The following SMAP1 variants were observed in gnomAD, a reference collection of about 807,000 sequenced individuals.
SMAP1 encodes small ArfGAP 1, also known as stromal membrane-associated protein 1.
SMAP1 carries 24 observed loss-of-function variants against 58.5 expected under a neutral mutation model. The observed-to-expected ratio is 0.41, with a 90% CI of 0.30 to 0.58. The LOEUF is 0.58. Among genes scored for constraint, SMAP1 ranks in the 20% least tolerant of loss-of-function variants. The probability of loss-of-function intolerance (pLI) is 0.29; values close to 1 mark genes in which losing one functional copy is unlikely to be tolerated. For missense variants in SMAP1, 563 were observed against 566.3 expected, an observed-to-expected ratio of 0.99 and a Z score of 0.06; for synonymous variants, 216 against 196.6, an observed-to-expected ratio of 1.10 and a Z score of -0.82.
intron 1 of SMAP1, among the ~76,000 whole-genome samples, chr6:70,722,420 G>GTCC (rs1363871632): frequency 6.6e-6 from 1 of 152,166 alleles, no homozygotes; most frequent in African/African-American, 2.4e-5. Context: ...TTTCTTTCTT[G>GTCC]TCCTCCTTTC....
rs561717522 is a variant in SMAP1, at chr6:70,679,389, T to C, written c.118+11248T>C. Among the ~76,000 whole-genome samples the C allele has an allele frequency of 3.3e-5, 5 of 152,286 alleles. No individual in the cohort carries two copies. In the East Asian group the frequency reaches 9.7e-4, roughly 29 times the overall value. ...ATGGTATGGGATGATGAAGTACTAC[T>C]TAAATTAGCCTTTCTCACAGGACCT... On this transcript the variant is annotated intron_variant, in intron 1 of 10. Transcript: ENST00000370455.
intron 2 of SMAP1, among the ~76,000 whole-genome samples, chr6:70,750,509 CTG>C (rs1766230805): frequency 6.6e-6 from 1 of 152,124 alleles, no homozygotes; most frequent in South Asian, 2.1e-4. Flanking sequence ...AATGCTAAAA[CTG>C]TGATTGGGTA....
intron 6 of SMAP1, among the ~76,000 whole-genome samples, chr6:70,816,061 G>A (rs1769616190): frequency 6.6e-6 from 1 of 152,158 alleles, no homozygotes; most frequent in African/African-American, 2.4e-5. Context: ...ACAGAGTGTG[G>A]AGGTTTGGAG....
chr6:70,840,820 G>C (rs942605851), intron 7 of SMAP1, among the ~76,000 whole-genome samples: 4 of 152,196 alleles, frequency 2.6e-5, no homozygotes, highest in Non-Finnish European at 5.9e-5. Flanking sequence ...TTGACTAAGT[G>C]CCAGATTGAA....
chr6:70,684,247 G>A (rs1766842601), intron 1 of SMAP1, among the ~76,000 whole-genome samples: 1 of 152,172 alleles, frequency 6.6e-6, no homozygotes, highest in African/African-American at 2.4e-5. Flanking sequence ...TCTGTAAATA[G>A]CGTGGAAATA....
In SMAP1 at chr6:70,860,466, TG is replaced by T; in HGVS notation, c.*133del. On this transcript the variant is annotated 3_prime_UTR_variant, in exon 11 of 11. Coordinates refer to ENST00000370455, the MANE Select transcript of SMAP1 (RefSeq NM_001044305.3). ...TTGTTCATATTAAGAATGATCTGAT[TG>T]ACCGTGTTGGTCTGTACTGATTCAA... 1 of 1,107,672 alleles carries T rather than the reference TG, an allele frequency of 9.0e-7. No homozygotes were observed. Among genetic ancestry groups the T allele is most frequent in the Non-Finnish European group, 1.3e-6 (1 of 795,640 alleles). The allele number at this position is 1,107,672 out of a possible 1,614,324, so 68.6% of individuals were successfully genotyped here.
At chr6:70,729,483 G>GTGTGTGTGTGTGTA (rs1382253034) in intron 1 of SMAP1, among the ~76,000 whole-genome samples, 16 of 150,826 alleles carry the variant, frequency 1.1e-4, no homozygotes, top group African/African-American at 3.2e-4. Flanking sequence ...GTGTGTGTGT[G>GTGTGTGTGTGTGTA]TGTGTGTGTG....
intron 1 of SMAP1, among the ~76,000 whole-genome samples, chr6:70,676,986 G>T (rs1480009576): frequency 1.3e-5 from 2 of 151,820 alleles, no homozygotes; most frequent in Admixed American, 1.3e-4. Flanking sequence ...GTGGGGAGGG[G>T]CCTTGCTATG....
intron 2 of SMAP1, among the ~76,000 whole-genome samples, chr6:70,739,256 G>GT (rs879122718): frequency 6.6e-6 from 1 of 152,138 alleles, no homozygotes; most frequent in Admixed American, 6.5e-5. Context: ...TTTTAAGTCT[G>GT]TGGATGAAGG....
intron 1 of SMAP1, among the ~76,000 whole-genome samples, chr6:70,704,723 G>A (rs1226001177): frequency 6.6e-6 from 1 of 152,110 alleles, no homozygotes; most frequent in East Asian, 1.9e-4. Context: ...AAGACATTAA[G>A]TGGGATTAGT....
intron 8 of SMAP1, 69 bp from the exon 9 acceptor site, chr6:70,856,790 A>G: frequency 7.0e-7 from 1 of 1,433,622 alleles, no homozygotes; most frequent in East Asian, 2.3e-5. Context: ...CTTTATTTGG[A>G]TTTTAAGTAA....
intron 1 of SMAP1, among the ~76,000 whole-genome samples, chr6:70,715,375 A>G (rs985027855): frequency 3.3e-5 from 5 of 151,410 alleles, no homozygotes; most frequent in African/African-American, 1.2e-4. Context: ...TATGGGCATG[A>G]GCCACTGCAC....
At chr6:70,786,792 A>G (rs902046369) in intron 4 of SMAP1, among the ~76,000 whole-genome samples, 5 of 152,220 alleles carry the variant, frequency 3.3e-5, no homozygotes, top group Non-Finnish European at 7.3e-5. Flanking sequence ...CCACTGCTCA[A>G]CAAAATAAAA....
intron 3 of SMAP1, among the ~76,000 whole-genome samples, chr6:70,765,419 A>G (rs1384844553): frequency 6.6e-6 from 1 of 152,194 alleles, no homozygotes; most frequent in African/African-American, 2.4e-5. Context: ...TCTAATACCA[A>G]AGTTTGAAAT....
At chr6:70,719,394 A>G (rs1433619706) in intron 1 of SMAP1, among the ~76,000 whole-genome samples, 1 of 152,222 alleles carries the variant, frequency 6.6e-6, no homozygotes, top group Non-Finnish European at 1.5e-5. Context: ...AGCAAGAATG[A>G]AATGAAGGAA....
chr6:70,709,997 C>A (rs562693858), intron 1 of SMAP1, among the ~76,000 whole-genome samples: 1 of 151,680 alleles, frequency 6.6e-6, no homozygotes, highest in African/African-American at 2.4e-5. Context: ...TAGGTGATTT[C>A]GTCATTGTGG....
chr6:70,787,281 C>T (rs1383419625), intron 4 of SMAP1, among the ~76,000 whole-genome samples: 2 of 151,326 alleles, frequency 1.3e-5, no homozygotes, highest in African/African-American at 2.4e-5. Context: ...TTCCTTACAC[C>T]TTATACAAAA....
At position 70,755,109 on chromosome 6, in the gene SMAP1, C is replaced by G. The variant is rs758296609; in HGVS notation, c.338+44C>G. ...TTGTTTTGAGTTTAAAAAACATTAA[C>G]TCATTTTTACAGTTCATATTTTATC... On this transcript the variant is annotated intron_variant, in intron 3 of 10. Transcript: ENST00000370455. 24 of 1,414,874 alleles carry G rather than the reference C, an allele frequency of 1.7e-5. No homozygotes were observed. In the South Asian group the frequency reaches 2.6e-4, roughly 16 times the overall value. 87.6% of individuals were successfully genotyped at this position (1,414,874 alleles called of 1,614,324 possible). A position where few individuals can be genotyped will look rare whatever the true frequency, so the allele number is the denominator to read the frequency against.
At chr6:70,811,265 A>G (rs1769375335) in intron 6 of SMAP1, among the ~76,000 whole-genome samples, 2 of 152,110 alleles carry the variant, frequency 1.3e-5, no homozygotes, top group South Asian at 4.1e-4. Context: ...TATTTTTGGC[A>G]TTAGGGATAG....
Sources: gnomAD v4.1 joint callset for allele counts (sites outside exome capture counted in the v4.1 genomes callset) on GRCh38, gnomAD v4.1.1 for gene constraint, MANE v1.5 for transcripts, NCBI Gene and HGNC (gene_info 2026-07-23, HGNC 2026-07-21) for gene names.